HSPA12A: variants seen among roughly 807,000 people sequenced by gnomAD.
HSPA12A encodes the protein heat shock 70 kDa protein 12A.
A neutral mutation model predicts 69.2 loss-of-function variants in HSPA12A; 28 were observed. The observed-to-expected ratio is 0.40, with a 90% CI of 0.30 to 0.55. HSPA12A has a LOEUF of 0.55. Among genes scored for constraint, HSPA12A ranks in the 20% least tolerant of loss-of-function variants. The probability of loss-of-function intolerance (pLI) is 0.38; values close to 1 mark genes in which losing one functional copy is unlikely to be tolerated. For missense variants in HSPA12A, 686 were observed against 900.7 expected (o/e 0.76, Z 3.05); for synonymous variants, 345 against 370.5 (o/e 0.93, Z 0.79).
At chr10:116,818,909 AG>A (rs1470286991) in intron 2 of HSPA12A, among the ~76,000 whole-genome samples, 2 of 152,096 alleles carry the variant, frequency 1.3e-5, no homozygotes, top group African/African-American at 4.8e-5. Context: ...ATCGCACCTA[AG>A]GGCACCCTTC....
chr10:116,766,845 A>G (rs1487010515), intron 2 of HSPA12A, among the ~76,000 whole-genome samples: 18 of 152,220 alleles, frequency 1.2e-4, no homozygotes, highest in African/African-American at 4.3e-4. Context: ...TTTAAATAAA[A>G]TGCTAGGAAC....
At chr10:116,835,911 G>A (rs138488617) in intron 1 of HSPA12A, among the ~76,000 whole-genome samples, 294 of 152,252 alleles carry the variant, frequency 1.9e-3, no homozygotes, top group Middle Eastern at 0.01. Context: ...AGAGAGGAGC[G>A]AAAGAAAACA....
intron 2 of HSPA12A, among the ~76,000 whole-genome samples, chr10:116,706,088 G>A (rs1395402968): frequency 1.3e-5 from 2 of 151,778 alleles, no homozygotes; most frequent in East Asian, 3.9e-4. Flanking sequence ...GTAGAGACTG[G>A]GTTTCACGGT....
At chr10:116,702,507 G>A (rs1412215017) in intron 3 of HSPA12A, among the ~76,000 whole-genome samples, 1 of 152,182 alleles carries the variant, frequency 6.6e-6, no homozygotes, top group Middle Eastern at 3.2e-3. Context: ...AAATGGGTCT[G>A]GAATCATCCC....
intron 2 of HSPA12A, among the ~76,000 whole-genome samples, chr10:116,804,121 C>T (rs534400275): frequency 7.2e-5 from 11 of 152,156 alleles, no homozygotes; most frequent in Non-Finnish European, 1.2e-4. Flanking sequence ...TTGCTTCCCT[C>T]CCTCCCTCTT....
intron 2 of HSPA12A, among the ~76,000 whole-genome samples, chr10:116,833,672 A>C (rs1368445950): frequency 6.6e-6 from 1 of 152,206 alleles, no homozygotes; most frequent in Non-Finnish European, 1.5e-5. Flanking sequence ...TGAGTATTAC[A>C]GAATTTGTTT....
chr10:116,736,494 C>T (rs541769888), intron 1 of HSPA12A, among the ~76,000 whole-genome samples: 1 of 152,266 alleles, frequency 6.6e-6, no homozygotes, highest in East Asian at 1.9e-4. Context: ...AAAAGGGAGT[C>T]AGCAGATGTG....
intron 2 of HSPA12A, among the ~76,000 whole-genome samples, chr10:116,748,606 C>T (rs1405465332): frequency 6.6e-6 from 1 of 152,186 alleles, no homozygotes; most frequent in Admixed American, 6.5e-5. Flanking sequence ...GTTTGATGGA[C>T]TCACAGTTCC....
At chr10:116,758,817 A>T (rs1412305206) in intron 2 of HSPA12A, among the ~76,000 whole-genome samples, 1 of 152,210 alleles carries the variant, frequency 6.6e-6, no homozygotes, top group African/African-American at 2.4e-5. Flanking sequence ...CAAGGAAATA[A>T]AGAGTGTGGA....
intron 1 of HSPA12A, among the ~76,000 whole-genome samples, chr10:116,741,235 G>T (rs1177501324): frequency 6.6e-6 from 1 of 152,222 alleles, no homozygotes; most frequent in African/African-American, 2.4e-5. Context: ...GCTGGGGTGG[G>T]GGCAGGTGCG....
In HSPA12A at chr10:116,679,658, T is replaced by G; in HGVS notation, c.1131A>C (p.Ala377=). 6.2e-7 allele frequency: 1 copy of G among 1,614,274 alleles called. No individual in the cohort carries two copies. Among genetic ancestry groups the G allele is most frequent in the South Asian group, 1.1e-5 (1 of 91,086 alleles). ...FIEQFKIKRP[A]AWVDLMIAFE... is the part of the protein sequence containing the mutation. ...ACGCAATCATTAAGTCAACCCAGGC[T>G]GCAGGGCGTTTGATTTTGAATTGTT... The change falls in exon 10 of 12, where the codon GCA becomes GCC. Residue 377 remains alanine (A), a synonymous_variant. Transcript: ENST00000369209.
upstream of HSPA12A, among the ~76,000 whole-genome samples, chr10:116,745,060 G>A (rs1315422858): frequency 6.6e-6 from 1 of 152,098 alleles, no homozygotes; most frequent in Non-Finnish European, 1.5e-5. Flanking sequence ...CACTCCCCCG[G>A]ACACATCCTT....
At chr10:116,782,666 G>A (rs1276425946) in intron 2 of HSPA12A, among the ~76,000 whole-genome samples, 2 of 152,188 alleles carry the variant, frequency 1.3e-5, no homozygotes, top group African/African-American at 2.4e-5. Flanking sequence ...GACTATTCAG[G>A]TAGGGCTCAT....
At chr10:116,726,850 T>C (rs1850980564) in intron 1 of HSPA12A, among the ~76,000 whole-genome samples, 1 of 152,160 alleles carries the variant, frequency 6.6e-6, no homozygotes, top group South Asian at 2.1e-4. Flanking sequence ...CAGCCTTAAC[T>C]ATTTCTCACT....
At chr10:116,711,575 A>G (rs1452397697) in intron 1 of HSPA12A, among the ~76,000 whole-genome samples, 2 of 152,214 alleles carry the variant, frequency 1.3e-5, no homozygotes, top group African/African-American at 4.8e-5. Context: ...TTCCACTTCA[A>G]GCACTAAGTT....
intron 1 of HSPA12A, among the ~76,000 whole-genome samples, chr10:116,712,445 T>C (rs1205063447): frequency 4.6e-5 from 7 of 152,138 alleles, no homozygotes; most frequent in Non-Finnish European, 7.4e-5. Context: ...GAGGAGGAAC[T>C]AGTTTAGTTT....
chr10:116,811,579 T>TAAAAAAAAAAAAAA (rs60912684), intron 2 of HSPA12A, among the ~76,000 whole-genome samples: 34 of 105,932 alleles, frequency 3.2e-4, no homozygotes, highest in African/African-American at 1.2e-3. Flanking sequence ...TTGCTTTTGT[T>TAAAAAAAAAAAAAA]AAAAAAAAAA....
rs1461270362 is a variant in HSPA12A at position 116,672,708 on chromosome 10, T to G, written c.*2073A>C. 4 of 152,660 alleles carry G rather than the reference T, an allele frequency of 2.6e-5. No homozygotes were observed. Among genetic ancestry groups the G allele is most frequent in the African/African-American group, 9.6e-5 (4 of 41,468 alleles). 9.5% of individuals were successfully genotyped at this position (152,660 alleles called of 1,614,324 possible). On this transcript the variant is annotated 3_prime_UTR_variant, in exon 12 of 12. Transcript: ENST00000369209. ...CAAGATTCTGTACAATATTCTAACATTATATGTACATAAAATTATATTACT... is the reference window on the plus strand; with the variant it reads ...CAAGATTCTGTACAATATTCTAACAGTATATGTACATAAAATTATATTACT...
chr10:116,845,411 T>A (rs1465923133), intron 1 of HSPA12A, among the ~76,000 whole-genome samples: 1 of 152,140 alleles, frequency 6.6e-6, no homozygotes, highest in Non-Finnish European at 1.5e-5. Context: ...CACCTTAGGT[T>A]TTCTCATTCC....
Sources: allele counts gnomAD v4.1 joint callset (sites outside exome capture counted in the v4.1 genomes callset), GRCh38; gene constraint gnomAD v4.1.1; transcripts MANE v1.5; gene names NCBI Gene and HGNC (gene_info 2026-07-23, HGNC 2026-07-21).